EIF4B: variants seen among roughly 807,000 people sequenced by gnomAD.
EIF4B encodes the protein eukaryotic translation initiation factor 4B.
EIF4B carries 8 observed loss-of-function variants against 79.3 expected under a neutral mutation model. The observed-to-expected ratio is 0.10, with a 90% CI of 0.06 to 0.18. The LOEUF is 0.18. Among genes scored for constraint, EIF4B ranks in the 10% least tolerant of loss-of-function variants. The pLI, the probability that EIF4B is intolerant of heterozygous loss-of-function variation, is 1.00. For synonymous variants in EIF4B, 238 were observed against 274.7 expected (o/e 0.87, Z 1.32); for missense variants, 515 against 792.4 (o/e 0.65, Z 4.20).
chr12:53,038,512 CGT>C (rs1305109508), intron 12 of EIF4B, 101 bp downstream of exon 12: 1 of 1,216,526 alleles, frequency 8.2e-7, no homozygotes, highest in East Asian at 2.7e-5. Flanking sequence ...CACCTGATAC[CGT>C]GTTAAGAGTT....
rs1351259001 is a variant in EIF4B, at chr12:53,041,690, C to T, written c.*1467C>T. 6.6e-6 allele frequency: 1 copy of T among 152,118 alleles called. No individual in the cohort carries two copies. The highest frequency in any genetic ancestry group is 1.5e-5 in the Non-Finnish European group (1 of 68,042). 9.4% of individuals were successfully genotyped at this position (152,118 alleles called of 1,614,324 possible). A position where few individuals can be genotyped will look rare whatever the true frequency, so the allele number is the denominator to read the frequency against. ...TGATCTTGGTTTGCAAGCCCTTCTC[C>T]CATCAGTCCTAGATTAGGCCCTGTT... On this transcript the variant is annotated 3_prime_UTR_variant, in exon 15 of 15. Coordinates refer to ENST00000262056, the MANE Select transcript of EIF4B (RefSeq NM_001417.7).
chr12:53,021,377 C>G (rs1351376379), intron 4 of EIF4B, among the ~76,000 whole-genome samples: 1 of 152,200 alleles, frequency 6.6e-6, no homozygotes, highest in East Asian at 1.9e-4. Flanking sequence ...AAGTGATCCT[C>G]CAGCCTCAGC....
chr12:53,040,165 A>G lies in EIF4B; in HGVS notation c.1778A>G (p.Tyr593Cys), dbSNP rs767780708. Residue 593 changes from tyrosine to cysteine, a missense_variant, in exon 15 of 15, where the codon TAT becomes TGT. Tyr to Cys is a radical substitution (Grantham distance 194). Coordinates refer to ENST00000262056, the MANE Select transcript of EIF4B (RefSeq NM_001417.7). ...PASKFSSASKYAALSVDGEDE... is the reference protein window; with the variant it reads ...PASKFSSASKCAALSVDGEDE... ...CAGAAGTTCAGTTCTGCAAGCAAGT[A>G]TGCTGCTCTCTCTGTTGATGGTGAA... 5 of 1,614,082 alleles carry G rather than the reference A, an allele frequency of 3.1e-6. No homozygotes were observed. Among genetic ancestry groups the G allele is most frequent in the Admixed American group, 1.7e-5 (1 of 60,010 alleles).
chr12:53,007,353 G>T (rs1472650646), intron 1 of EIF4B, among the ~76,000 whole-genome samples: 1 of 150,898 alleles, frequency 6.6e-6, no homozygotes, highest in African/African-American at 2.4e-5. Flanking sequence ...TATATGCCAG[G>T]ATCAGGTTTC....
At chr12:53,030,314 A>G (rs915508255) in intron 8 of EIF4B, among the ~76,000 whole-genome samples, 2 of 148,064 alleles carry the variant, frequency 1.4e-5, no homozygotes, top group Non-Finnish European at 3.0e-5. Flanking sequence ...TGGGAGGTCA[A>G]GGCTGCAGTT....
chr12:53,019,160 A>G (rs956273916), intron 3 of EIF4B, among the ~76,000 whole-genome samples, 154 bp downstream of exon 3: 2 of 152,168 alleles, frequency 1.3e-5, no homozygotes, highest in African/African-American at 4.8e-5. Flanking sequence ...GCACTCTGGG[A>G]GTCTGAGGCG....
At chr12:53,019,872 ATGCTGGGAAACTT>A in intron 3 of EIF4B, 25 bp from the exon 4 acceptor site, 1 of 1,590,562 alleles carries the variant, frequency 6.3e-7, no homozygotes, top group Non-Finnish European at 8.6e-7. Flanking sequence ...ATGAAGAAGA[ATGCTGGGAAACTT>A]TGTTGTTGAT....
At position 53,027,137 on chromosome 12, in the gene EIF4B, AT is replaced by A. The variant is rs71095967; in HGVS notation, c.668-625del. On this transcript the variant is annotated intron_variant, in intron 6 of 14. Coordinates refer to ENST00000262056, the MANE Select transcript of EIF4B (RefSeq NM_001417.7). ...AGACTGTCTCTCAAAAAAAAAAAAA[AT>A]TTTTTTTTTTTTTTTTTTTGAGACA... Among the ~76,000 whole-genome samples, 107 of 25,748 alleles carry A rather than the reference AT, an allele frequency of 4.2e-3. 1 individual carries two copies. Among genetic ancestry groups the A allele is most frequent in the African/African-American group, 7.8e-3 (96 of 12,234 alleles). The allele number at this position is 25,748 out of a possible 152,430, so 16.9% of individuals were successfully genotyped here.
In EIF4B at chr12:53,034,054, A is replaced by G. The variant is rs934091761; in HGVS notation, c.1208+20A>G. 4.4e-6 allele frequency: 7 copies of G among 1,591,762 alleles called. 1 individual carries two copies. In the Admixed American group the frequency reaches 7.1e-5, roughly 16 times the overall value. ...GGAGAGGTGTGTTGTCTTGATGGAT[A>G]TCCCATCTAGGAATCCGGTGGTTCG... On this transcript the variant is annotated intron_variant, in intron 9 of 14. Transcript: ENST00000262056.
chr12:53,007,180 G>C (rs888578677), intron 1 of EIF4B, among the ~76,000 whole-genome samples: 2 of 152,320 alleles, frequency 1.3e-5, no homozygotes, highest in East Asian at 3.9e-4. Context: ...ATTCTTCTAA[G>C]GGTGTGTGTG....
chr12:53,038,647 A>G (rs894483642), intron 12 of EIF4B: 1 of 210,330 alleles, frequency 4.8e-6, no homozygotes, highest in Non-Finnish European at 9.4e-6. Context: ...CCCCGTCTCT[A>G]TTAAAAATAC....
rs183959588 is a variant in EIF4B at position 53,041,060 on chromosome 12, C to T, written c.*837C>T. 2 of 152,242 alleles carry T rather than the reference C, an allele frequency of 1.3e-5. No individual in the cohort carries two copies. Among genetic ancestry groups the T allele is most frequent in the East Asian group, 1.9e-4 (1 of 5,180 alleles). 9.4% of individuals were successfully genotyped at this position (152,242 alleles called of 1,614,324 possible). On this transcript the variant is annotated 3_prime_UTR_variant, in exon 15 of 15. Transcript: ENST00000262056. ...TAGTTTTACCCTTTCTAAACACTGT[C>T]CTTTTTGAAAGTTTTGAATATATCC... is the stretch of plus-strand genomic sequence containing the variant.
At chr12:53,012,638 C>A (rs558908401) in intron 1 of EIF4B, among the ~76,000 whole-genome samples, 6 of 145,390 alleles carry the variant, frequency 4.1e-5, no homozygotes. Flanking sequence ...CGGAGTCTCG[C>A]TTTGTAGCCC....
intron 11 of EIF4B, 83 bp from the exon 12 acceptor site, chr12:53,038,273 A>G: frequency 8.0e-7 from 1 of 1,250,862 alleles, no homozygotes; most frequent in Non-Finnish European, 1.1e-6. Flanking sequence ...AAGCTTACCC[A>G]CTGCATTTGG....
In EIF4B at chr12:53,019,439, T is replaced by TATA. The variant is rs1565586209; in HGVS notation, c.360+433_360+434insATA. Reference sequence around the variant, plus strand: ...AAATCAAAATTATATATATATATATTTTTTTTTTTTCTTTTTTTTTTTTTT... The same window carrying TATA: ...AAATCAAAATTATATATATATATATTATATTTTTTTTTTCTTTTTTTTTTTTTT... On this transcript the variant is annotated intron_variant, in intron 3 of 14. Transcript: ENST00000262056. 1.9e-3 allele frequency among the ~76,000 whole-genome samples: 184 copies of TATA among 97,938 alleles called. 1 individual carries two copies. Among genetic ancestry groups the TATA allele is most frequent in the African/African-American group, 9.2e-3 (180 of 19,534 alleles). The allele number at this position is 97,938 out of a possible 152,430, so 64.3% of individuals were successfully genotyped here.
At chr12:53,010,792 C>T (rs1214071922) in intron 1 of EIF4B, among the ~76,000 whole-genome samples, 3 of 152,008 alleles carry the variant, frequency 2.0e-5, no homozygotes, top group African/African-American at 4.8e-5. Context: ...AGGCTGGTCT[C>T]GAGCTCCCGA....
intron 6 of EIF4B, among the ~76,000 whole-genome samples, chr12:53,027,219 C>T (rs978854067): frequency 2.8e-5 from 4 of 144,432 alleles, no homozygotes; most frequent in East Asian, 2.2e-4. Flanking sequence ...GCGCAACCTC[C>T]GCCTCCCGGG....
Position 53,037,640 on chromosome 12 carries a change from C to T in EIF4B, c.1520+18C>T, listed in dbSNP as rs1191799424. ...CCTACAAGGTGAGTCAGTTTGGAAA[C>T]AGTAGTTGGTTAACTGCAGATTCTA... On this transcript the variant is annotated intron_variant, in intron 11 of 14. Transcript: ENST00000262056. 6 of 1,612,780 alleles carry T rather than the reference C, an allele frequency of 3.7e-6. No homozygotes were observed. Among genetic ancestry groups the T allele is most frequent in the African/African-American group, 1.3e-5 (1 of 74,878 alleles).
At chr12:53,026,706 A>T (rs1258059175) in intron 6 of EIF4B, among the ~76,000 whole-genome samples, 1 of 152,012 alleles carries the variant, frequency 6.6e-6, no homozygotes, top group Non-Finnish European at 1.5e-5. Flanking sequence ...GGCTCAAGTG[A>T]TCCTTCCACC....
Sources: gnomAD v4.1 joint callset for allele counts (sites outside exome capture counted in the v4.1 genomes callset) on GRCh38, gnomAD v4.1.1 for gene constraint, MANE v1.5 for transcripts, NCBI Gene and HGNC (gene_info 2026-07-23, HGNC 2026-07-21) for gene names.